ITPKB: variants seen among roughly 807,000 people sequenced by gnomAD.
ITPKB encodes the protein inositol-trisphosphate 3-kinase B.
In ITPKB, 13 loss-of-function variants were observed where a neutral mutation model predicts 69.4. That is an observed-to-expected ratio of 0.19 (90% CI 0.12 to 0.30). The LOEUF (loss-of-function observed/expected upper bound fraction) is 0.30, where lower values mean the gene tolerates loss of function less well. Ranked by LOEUF, ITPKB falls within the 10% of genes least tolerant of loss-of-function variation. The pLI is 1.00. For synonymous variants in ITPKB, 584 were observed against 513.7 expected, an observed-to-expected ratio of 1.14 and a Z score of -1.85; for missense variants, 1,240 against 1,250.5, an observed-to-expected ratio of 0.99 and a Z score of 0.13.
intron 2 of ITPKB, among the ~76,000 whole-genome samples, chr1:226,690,977 G>A (rs911760578): frequency 3.3e-5 from 5 of 152,150 alleles, no homozygotes; most frequent in African/African-American, 4.8e-5. Context: ...AAGGACAAAC[G>A]CTGTATGACT....
chr1:226,681,050 T>A (rs958627272), intron 2 of ITPKB, among the ~76,000 whole-genome samples: 15 of 152,306 alleles, frequency 9.8e-5, no homozygotes, highest in Non-Finnish European at 1.9e-4. Flanking sequence ...TCCCCTCACC[T>A]GGCAAAAATT....
intron 2 of ITPKB, among the ~76,000 whole-genome samples, chr1:226,691,955 G>C (rs1656365828): frequency 6.6e-6 from 1 of 152,080 alleles, no homozygotes; most frequent in Non-Finnish European, 1.5e-5. Context: ...TTTTCCTCTG[G>C]GCTCCCAGGT....
chr1:226,703,652 C>T (rs1334824231), intron 2 of ITPKB, among the ~76,000 whole-genome samples: 3 of 152,240 alleles, frequency 2.0e-5, no homozygotes, highest in Admixed American at 2.0e-4. Flanking sequence ...TTCGCCAGCG[C>T]TAGCGGGCCC....
chr1:226,634,901 G>C lies in ITPKB; in HGVS notation c.2626-15C>G. Reference sequence around the variant, plus strand: ...CTGCCAATGACCTGAGGAGAACATGGGGGTGAAGGGTGAGCTGAAGCCCGG... The same window carrying C: ...CTGCCAATGACCTGAGGAGAACATGCGGGTGAAGGGTGAGCTGAAGCCCGG... On this transcript the variant is annotated splice_polypyrimidine_tract_variant and intron_variant, in intron 7 of 7. Coordinates refer to ENST00000429204, the MANE Select transcript of ITPKB (RefSeq NM_002221.4). The surrounding 1 kb of genome is among the most constrained non-coding windows in gnomAD (Gnocchi z 6.3). 6.3e-7 allele frequency: 1 copy of C among 1,599,104 alleles called. No individual in the cohort carries two copies. Among genetic ancestry groups the C allele is most frequent in the East Asian group, 2.2e-5 (1 of 44,548 alleles).
At chr1:226,698,792 CAT>C (rs1656562183) in intron 2 of ITPKB, among the ~76,000 whole-genome samples, 2 of 152,366 alleles carry the variant, frequency 1.3e-5, no homozygotes, top group Admixed American at 6.5e-5. Context: ...CTGCTGACTG[CAT>C]AGTCACAGAT....
At chr1:226,655,476 G>C (rs770990567) in intron 2 of ITPKB, among the ~76,000 whole-genome samples, 13 of 152,230 alleles carry the variant, frequency 8.5e-5, no homozygotes, top group Non-Finnish European at 1.6e-4. Flanking sequence ...GGGCAGGGGA[G>C]GGCTCAAGGC....
chr1:226,722,828 G>A (rs768531251), intron 2 of ITPKB, among the ~76,000 whole-genome samples: 1 of 151,928 alleles, frequency 6.6e-6, no homozygotes. Flanking sequence ...GAGCCTGGAA[G>A]CTCTGTACAG....
chr1:226,682,164 T>C (rs768921384), intron 2 of ITPKB, among the ~76,000 whole-genome samples: 30 of 150,814 alleles, frequency 2.0e-4, no homozygotes, highest in Middle Eastern at 3.4e-3. Context: ...GTTGCCTGGG[T>C]CCCCCCCCGC....
chr1:226,681,508 A>G (rs1208663606), intron 2 of ITPKB, among the ~76,000 whole-genome samples: 1 of 152,260 alleles, frequency 6.6e-6, no homozygotes, highest in Admixed American at 6.5e-5. Context: ...TGATAAATCC[A>G]GAGCCCAAAT....
Position 226,737,400 on chromosome 1 carries a change from A to T in ITPKB, c.59T>A (p.Met20Lys), listed in dbSNP as rs1185564860. The T allele has an allele frequency of 6.8e-6, 11 of 1,610,884 alleles. No homozygotes were observed. The highest frequency in any genetic ancestry group is 9.3e-6 in the Non-Finnish European group (11 of 1,179,488). ...GGGCCCCGGGCCGCCGCCGCTCTTC[A>T]TCTCGTTGGCGCTATTCATGATCAC... ...SLVIMNSANEMKSGGGPGPSG... is the reference protein window; with the variant it reads ...SLVIMNSANEKKSGGGPGPSG... The change falls in exon 2 of 8, where the codon ATG becomes AAG. Residue 20 changes from methionine (M) to lysine (K), a missense_variant. By Grantham distance (95) the Met-to-Lys change is moderately conservative. This residue lies in a region of ITPKB where 992 missense variants were observed against 853.8 expected (regional missense o/e 1.16). Transcript: ENST00000429204.
At chr1:226,638,527 C>T (rs981126920) in intron 6 of ITPKB, among the ~76,000 whole-genome samples, 4 of 152,214 alleles carry the variant, frequency 2.6e-5, no homozygotes, top group Non-Finnish European at 1.5e-5. Context: ...GCCTGGATCT[C>T]TGACTGTCCC....
intron 2 of ITPKB, among the ~76,000 whole-genome samples, chr1:226,689,633 A>G (rs1206788372): frequency 7.1e-6 from 1 of 141,238 alleles, no homozygotes; most frequent in African/African-American, 2.6e-5. Flanking sequence ...GTGTTTGTGT[A>G]CTTTTAAGTT....
intron 2 of ITPKB, among the ~76,000 whole-genome samples, chr1:226,678,375 G>C (rs1416940287): frequency 6.6e-6 from 1 of 152,234 alleles, no homozygotes; most frequent in Non-Finnish European, 1.5e-5. Flanking sequence ...CCTAAAGGGG[G>C]AGGAAAATCA....
chr1:226,635,624 A>C (rs113666378), intron 7 of ITPKB, among the ~76,000 whole-genome samples: 24 of 152,298 alleles, frequency 1.6e-4, no homozygotes, highest in African/African-American at 5.5e-4. Context: ...AGGGAACCAC[A>C]GTGAAGGGGA....
chr1:226,663,017 C>T (rs1279334993), intron 2 of ITPKB, among the ~76,000 whole-genome samples: 3 of 152,192 alleles, frequency 2.0e-5, no homozygotes, highest in Admixed American at 6.5e-5. Flanking sequence ...TGTTCACGTG[C>T]AGACCTCTGG....
intron 2 of ITPKB, among the ~76,000 whole-genome samples, chr1:226,702,043 G>C (rs948100227): frequency 6.6e-6 from 1 of 152,152 alleles, no homozygotes; most frequent in African/African-American, 2.4e-5. Flanking sequence ...CCAGGGAAGA[G>C]AGAGACAAGA....
Position 226,634,404 on chromosome 1 carries a change from C to A in ITPKB, c.*267G>T. On this transcript the variant is annotated 3_prime_UTR_variant, in exon 8 of 8. Coordinates refer to ENST00000429204, the MANE Select transcript of ITPKB (RefSeq NM_002221.4). This position sits in a 1 kb window ranked among gnomAD's most constrained non-coding sequence, Gnocchi z 6.3. ...GGTCCCCTCAGCAGCCAGGGACCCCCTCCAGCTCTACACCTGACCCACCTC... is the reference window on the plus strand; with the variant it reads ...GGTCCCCTCAGCAGCCAGGGACCCCATCCAGCTCTACACCTGACCCACCTC... The A allele has an allele frequency of 2.2e-6, 1 of 455,694 alleles. No individual in the cohort carries two copies. 28.2% of individuals were successfully genotyped at this position (455,694 alleles called of 1,614,324 possible). A position where few individuals can be genotyped will look rare whatever the true frequency, so the allele number is the denominator to read the frequency against.
chr1:226,654,004 G>A (rs781512859), intron 2 of ITPKB, among the ~76,000 whole-genome samples: 6 of 152,176 alleles, frequency 3.9e-5, no homozygotes, highest in Admixed American at 6.5e-5. Flanking sequence ...AACTCCAGAA[G>A]CGCAGGGAAA....
At chr1:226,658,171 T>C (rs1455607790) in intron 2 of ITPKB, among the ~76,000 whole-genome samples, 1 of 152,208 alleles carries the variant, frequency 6.6e-6, no homozygotes, top group East Asian at 1.9e-4. Flanking sequence ...TTGGTCTTTC[T>C]AAAAAAGCAG....
Sources: gnomAD v4.1 joint callset for allele counts (sites outside exome capture counted in the v4.1 genomes callset) on GRCh38, gnomAD v4.1.1 for gene constraint, gnomAD v4.1.1 regional missense constraint, Gnocchi (gnomAD v3.1) non-coding constraint, MANE v1.5 for transcripts, NCBI Gene and HGNC (gene_info 2026-07-23, HGNC 2026-07-21) for gene names.